Variants in CTNND2 observed in about 807,000 individuals in gnomAD.
CTNND2 encodes the protein catenin delta-2.
Under a neutral mutation model 144.4 loss-of-function variants are expected in CTNND2, and 22 were observed. The ratio of observed to expected loss-of-function variants is 0.15; its 90% CI spans 0.11 to 0.22. The LOEUF is 0.22. CTNND2 is among the 10% of genes least tolerant of loss of function. CTNND2 has a pLI of 1.00. For synonymous variants in CTNND2, 751 were observed against 695.6 expected (o/e 1.08, Z -1.25); for missense variants, 1,353 against 1,618.8 (o/e 0.84, Z 2.82).
chr5:11,795,257 C>G (rs1791341359), intron 1 of CTNND2, among the ~76,000 whole-genome samples: 1 of 152,084 alleles, frequency 6.6e-6, no homozygotes, highest in African/African-American at 2.4e-5. Context: ...CAAGGAAGGT[C>G]TCTGGAGGAA....
intron 1 of CTNND2, among the ~76,000 whole-genome samples, chr5:11,879,395 A>G (rs1001016470): frequency 1.4e-5 from 2 of 146,608 alleles, no homozygotes; most frequent in Non-Finnish European, 3.0e-5. Flanking sequence ...ATACATACAC[A>G]TATGCCTGTG....
chr5:11,266,407 C>A (rs1010360483), intron 9 of CTNND2, among the ~76,000 whole-genome samples: 5 of 152,164 alleles, frequency 3.3e-5, no homozygotes, highest in African/African-American at 1.2e-4. Context: ...CATAAAGCTG[C>A]AGAGTGTCAC....
intron 3 of CTNND2, among the ~76,000 whole-genome samples, chr5:11,536,342 G>T (rs898556805): frequency 3.3e-5 from 5 of 152,154 alleles, no homozygotes; most frequent in Non-Finnish European, 7.4e-5. Context: ...GGGATTACAG[G>T]TGTGAGCCAC....
At chr5:11,287,705 G>C (rs533506986) in intron 9 of CTNND2, among the ~76,000 whole-genome samples, 3 of 152,190 alleles carry the variant, frequency 2.0e-5, no homozygotes, top group Non-Finnish European at 4.4e-5. Context: ...AAGAAGTGCA[G>C]GGGACAGGCT....
At chr5:11,785,766 G>T (rs77648199) in intron 1 of CTNND2, among the ~76,000 whole-genome samples, 1 of 152,292 alleles carries the variant, frequency 6.6e-6, no homozygotes, top group African/African-American at 2.4e-5. Context: ...TATCAAAGAG[G>T]GTAATTTCCT....
intron 7 of CTNND2, among the ~76,000 whole-genome samples, chr5:11,373,661 A>G (rs1219169757): frequency 1.3e-5 from 2 of 152,162 alleles, no homozygotes; most frequent in African/African-American, 4.8e-5. Context: ...CTTCTCCAAG[A>G]AGCATCCAAT....
At chr5:11,377,352 G>A (rs1265279727) in intron 7 of CTNND2, among the ~76,000 whole-genome samples, 2 of 152,090 alleles carry the variant, frequency 1.3e-5, no homozygotes, top group Non-Finnish European at 2.9e-5. Flanking sequence ...ACTGGGCCCA[G>A]CCTCTGTGTT....
chr5:11,019,719 C>T (rs184838559), intron 17 of CTNND2, among the ~76,000 whole-genome samples: 22 of 152,302 alleles, frequency 1.4e-4, no homozygotes, highest in African/African-American at 4.6e-4. Flanking sequence ...TTGTGTGTTT[C>T]TAATGTGACA....
chr5:11,242,368 C>T (rs1742540164), intron 9 of CTNND2, among the ~76,000 whole-genome samples: 2 of 152,230 alleles, frequency 1.3e-5, no homozygotes, highest in African/African-American at 2.4e-5. Flanking sequence ...TGTCTCCTCT[C>T]GAATCCATAA....
intron 2 of CTNND2, among the ~76,000 whole-genome samples, chr5:11,580,144 A>G (rs1778311470): frequency 1.3e-5 from 2 of 152,038 alleles, no homozygotes. Flanking sequence ...TCAAAAAGCA[A>G]TGTCCTCCTT....
intron 13 of CTNND2, among the ~76,000 whole-genome samples, chr5:11,116,267 C>A (rs1753534464): frequency 1.3e-5 from 2 of 152,160 alleles, no homozygotes; most frequent in African/African-American, 4.8e-5. Context: ...GGACATGTGG[C>A]AATGTCTGGA....
chr5:11,118,268 T>A (rs549345641), intron 12 of CTNND2, among the ~76,000 whole-genome samples: 14 of 152,376 alleles, frequency 9.2e-5, no homozygotes, highest in African/African-American at 3.4e-4. Flanking sequence ...TTTTAGTTAC[T>A]CTACCACCTG....
intron 5 of CTNND2, among the ~76,000 whole-genome samples, chr5:11,409,218 T>C (rs748857058): frequency 2.0e-5 from 3 of 152,034 alleles, no homozygotes; most frequent in Non-Finnish European, 4.4e-5. Flanking sequence ...GTTTTAATAT[T>C]AGTACATTTT....
At chr5:11,164,439 T>C (rs1223366392) in intron 11 of CTNND2, among the ~76,000 whole-genome samples, 1 of 152,208 alleles carries the variant, frequency 6.6e-6, no homozygotes, top group African/African-American at 2.4e-5. Context: ...TTCATCTTGA[T>C]CACATTCATT....
At chr5:11,761,394 A>G (rs1158239835) in intron 1 of CTNND2, among the ~76,000 whole-genome samples, 1 of 152,222 alleles carries the variant, frequency 6.6e-6, no homozygotes, top group Non-Finnish European at 1.5e-5. Context: ...TATCTTAAAA[A>G]GTGAAACAGC....
At chr5:11,234,422 T>A (rs1741386640) in intron 10 of CTNND2, among the ~76,000 whole-genome samples, 1 of 152,218 alleles carries the variant, frequency 6.6e-6, no homozygotes, top group Admixed American at 6.5e-5. Context: ...GTATCTTCAT[T>A]TTAAAGATTA....
intron 11 of CTNND2, among the ~76,000 whole-genome samples, chr5:11,163,804 T>A (rs1305681677): frequency 6.6e-6 from 1 of 152,234 alleles, no homozygotes; most frequent in Non-Finnish European, 1.5e-5. Context: ...GTGACAAGTA[T>A]TTAATTTAAA....
At chr5:11,248,114 G>A (rs1334552243) in intron 9 of CTNND2, among the ~76,000 whole-genome samples, 8 of 152,056 alleles carry the variant, frequency 5.3e-5, no homozygotes, top group East Asian at 1.9e-4. Flanking sequence ...TTAACAGCCC[G>A]TGATGTTTCT....
intron 7 of CTNND2, among the ~76,000 whole-genome samples, chr5:11,373,917 G>A (rs1757681435): frequency 6.6e-6 from 1 of 152,104 alleles, no homozygotes; most frequent in South Asian, 2.1e-4. Context: ...TACACCTAGG[G>A]GCATGTCCCT....
Sources: allele counts gnomAD v4.1 joint callset (sites outside exome capture counted in the v4.1 genomes callset), GRCh38; gene constraint gnomAD v4.1.1; transcripts MANE v1.5; gene names NCBI Gene and HGNC (gene_info 2026-07-23, HGNC 2026-07-21).